ANO3: variants seen among roughly 807,000 people sequenced by gnomAD.
ANO3 encodes anoctamin 3, also known as anoctamin-3.
Under a neutral mutation model 144.8 loss-of-function variants are expected in ANO3, and 99 were observed. That is an observed-to-expected ratio of 0.68 (90% CI 0.58 to 0.81). The LOEUF is 0.81. Among genes scored for constraint, ANO3 ranks in the 30% least tolerant of loss-of-function variants. The pLI is 0.00. For missense variants in ANO3, 905 were observed against 1,202.2 expected (o/e 0.75, Z 3.66); for synonymous variants, 414 against 392.6 (o/e 1.05, Z -0.64).
At position 26,357,306 on chromosome 11, in the gene ANO3, T is replaced by C. The variant is rs536568624; in HGVS notation, c.46+24985T>C. Among the ~76,000 whole-genome samples, 305 of 152,324 alleles carry C rather than the reference T, an allele frequency of 2.0e-3. 1 individual carries two copies. Among genetic ancestry groups the C allele is most frequent in the African/African-American group, 6.8e-3 (284 of 41,586 alleles). On this transcript the variant is annotated intron_variant, in intron 1 of 26. Coordinates refer to ENST00000256737, the MANE Select transcript of ANO3 (RefSeq NM_031418.4). ...ACTTTTTAAGAAAGTGTCAGACTTA[T>C]TTTCAACATGGTTTTCTCAATTTTC...
At chr11:26,283,317 AATAAATATATATATATATATATATAT>A (rs1463332298) in intron 1 of ANO3, among the ~76,000 whole-genome samples, 5 of 77,578 alleles carry the variant, frequency 6.4e-5, no homozygotes, top group South Asian at 6.0e-4. Flanking sequence ...TAAACAAATA[AATAAATATATATATATATATATATAT>A]ATATATATAT....
At chr11:26,606,788 T>C (rs1851948881) in intron 17 of ANO3, among the ~76,000 whole-genome samples, 1 of 152,212 alleles carries the variant, frequency 6.6e-6, no homozygotes, top group Non-Finnish European at 1.5e-5. Context: ...AATATTGTTA[T>C]GTGTGAGTTT....
At chr11:26,291,391 T>G (rs1311663833) in intron 1 of ANO3, among the ~76,000 whole-genome samples, 4 of 152,140 alleles carry the variant, frequency 2.6e-5, no homozygotes, top group African/African-American at 9.7e-5. Context: ...TTTAATTGGG[T>G]TATTTAGCCC....
intron 5 of ANO3, among the ~76,000 whole-genome samples, chr11:26,511,805 G>A (rs1435587009): frequency 1.3e-5 from 2 of 152,092 alleles, no homozygotes; most frequent in Non-Finnish European, 2.9e-5. Context: ...AGAGTCATGT[G>A]GTGATCTTTT....
At chr11:26,270,507 C>T (rs557805420) in intron 1 of ANO3, among the ~76,000 whole-genome samples, 1 of 152,254 alleles carries the variant, frequency 6.6e-6, no homozygotes, top group Middle Eastern at 3.4e-3. Flanking sequence ...TCTCTTTTTA[C>T]ATTTAAGCAC....
At chr11:26,401,284 T>C (rs933329928) in intron 1 of ANO3, among the ~76,000 whole-genome samples, 13 of 151,982 alleles carry the variant, frequency 8.6e-5, no homozygotes, top group African/African-American at 3.1e-4. Context: ...CCTCCATTTA[T>C]TATCCTTCAT....
chr11:26,269,919 C>T (rs1201401777), intron 1 of ANO3, among the ~76,000 whole-genome samples: 1 of 152,030 alleles, frequency 6.6e-6, no homozygotes, highest in Non-Finnish European at 1.5e-5. Flanking sequence ...TTAGCATAGG[C>T]CCTAATCAAA....
chr11:26,280,413 A>G lies in ANO3; in HGVS notation c.155-29232A>G, dbSNP rs549746884. On this transcript the variant is annotated intron_variant, in intron 1 of 27. Transcript: ENST00000672621. ...GGTGAGATCCCACAGTAGGCCATCT[A>G]CAAGCTGAAGAGCGAGGAAGCCAGT... is the stretch of plus-strand genomic sequence containing the variant. 2.0e-5 allele frequency among the ~76,000 whole-genome samples: 3 copies of G among 152,272 alleles called. No homozygotes were observed. The East Asian group carries it at 5.8e-4, about 29-fold the overall frequency.
chr11:26,439,485 G>A lies in ANO3; in HGVS notation c.47-2433G>A, dbSNP rs747536104. On this transcript the variant is annotated intron_variant, in intron 1 of 26. Transcript: ENST00000256737. The stretch of plus-strand genomic sequence containing the variant: ...TGAAGAGGAAATGGGGATCGGCTGC[G>A]AATAGGTATGATGTTTCTTTTTGGA... 1.4e-4 allele frequency among the ~76,000 whole-genome samples: 22 copies of A among 152,276 alleles called. No individual in the cohort carries two copies. In the East Asian group the frequency reaches 2.9e-3, roughly 20 times the overall value.
At chr11:26,482,833 G>A (rs1860277660) in intron 4 of ANO3, among the ~76,000 whole-genome samples, 1 of 152,074 alleles carries the variant, frequency 6.6e-6, no homozygotes, top group Non-Finnish European at 1.5e-5. Flanking sequence ...TTGCACTTAT[G>A]TGAACAGGAG....
chr11:26,393,302 C>T (rs754083896), intron 1 of ANO3, among the ~76,000 whole-genome samples: 2 of 152,056 alleles, frequency 1.3e-5, no homozygotes, highest in Non-Finnish European at 2.9e-5. Flanking sequence ...CAAGCACATT[C>T]CTATGTACCT....
chr11:26,460,633 T>C (rs992468017), intron 3 of ANO3, among the ~76,000 whole-genome samples: 1 of 152,040 alleles, frequency 6.6e-6, no homozygotes, highest in Non-Finnish European at 1.5e-5. Context: ...AAAATTGATT[T>C]AGCTTTCCTC....
intron 1 of ANO3, among the ~76,000 whole-genome samples, chr11:26,381,381 G>C (rs1054872673): frequency 6.6e-6 from 1 of 152,116 alleles, no homozygotes; most frequent in Non-Finnish European, 1.5e-5. Context: ...ATGTTCTCCA[G>C]GAGCCAGCTA....
chr11:26,315,839 C>G (rs1236012934), intron 1 of ANO3, among the ~76,000 whole-genome samples: 5 of 152,052 alleles, frequency 3.3e-5, no homozygotes, highest in Non-Finnish European at 5.9e-5. Flanking sequence ...GTCTCATGTT[C>G]ATCAACTTAA....
chr11:26,593,144 T>C (rs1226029844), intron 14 of ANO3, among the ~76,000 whole-genome samples: 7 of 152,172 alleles, frequency 4.6e-5, no homozygotes, highest in Non-Finnish European at 1.5e-5. Flanking sequence ...TGATGTTTGA[T>C]AGATGTTCCC....
chr11:26,658,487 G>A (rs896628714), intron 26 of ANO3, among the ~76,000 whole-genome samples: 24 of 71,496 alleles, frequency 3.4e-4, no homozygotes, highest in Admixed American at 2.2e-3. Context: ...GCGCATGCCT[G>A]TAATCCCAGC....
At chr11:26,303,043 C>A (rs56348909) in intron 1 of ANO3, among the ~76,000 whole-genome samples, 3,111 of 152,206 alleles carry the variant, frequency 0.02, 95 homozygotes, top group African/African-American at 0.072. Flanking sequence ...AAAACAATAA[C>A]AAATGCTAGT....
intron 1 of ANO3, among the ~76,000 whole-genome samples, chr11:26,274,321 CTCTA>C (rs1478652477): frequency 8.5e-5 from 13 of 152,128 alleles, no homozygotes; most frequent in East Asian, 1.9e-4. Flanking sequence ...ATACAATCTG[CTCTA>C]TCTACCACCT....
intron 1 of ANO3, among the ~76,000 whole-genome samples, chr11:26,215,106 G>T (rs4623853): frequency 0.3 from 45,799 of 151,562 alleles, 7,659 homozygotes; most frequent in Non-Finnish European, 0.37. Context: ...GAATGAGGTG[G>T]TGTTTGTCAG....
Sources: allele counts gnomAD v4.1 joint callset (sites outside exome capture counted in the v4.1 genomes callset), GRCh38; gene constraint gnomAD v4.1.1; transcripts MANE v1.5; gene names NCBI Gene and HGNC (gene_info 2026-07-23, HGNC 2026-07-21).